The following VDR variants were observed in gnomAD, a reference collection of about 807,000 sequenced individuals.
VDR encodes vitamin D receptor.
In VDR, 19 loss-of-function variants were observed where a neutral mutation model predicts 39.7. The observed-to-expected ratio is 0.48, with a 90% confidence interval of 0.33 to 0.70. The LOEUF (loss-of-function observed/expected upper bound fraction) is 0.70, where lower values mean the gene tolerates loss of function less well. Among genes scored for constraint, VDR ranks in the 30% least tolerant of loss-of-function variants. The pLI is 0.02. For synonymous variants in VDR, 242 were observed against 215.8 expected (o/e 1.12, Z -1.07); for missense variants, 442 against 570.5 (o/e 0.77, Z 2.29).
At chr12:47,860,757 C>T (rs1307953106) in intron 4 of VDR, among the ~76,000 whole-genome samples, 4 of 152,106 alleles carry the variant, frequency 2.6e-5, no homozygotes, top group Non-Finnish European at 5.9e-5. Context: ...TTAAACTATG[C>T]GTTGTCTTCT....
chr12:47,853,460 A>G (rs896388311), intron 7 of VDR, among the ~76,000 whole-genome samples: 4 of 145,500 alleles, frequency 2.7e-5, no homozygotes, highest in Non-Finnish European at 6.0e-5. Context: ...AAAAAAAAAA[A>G]AAAGAATATT....
At chr12:47,873,351 CTTTTTTTTTTTTTTTT>C (rs71077177) in intron 3 of VDR, among the ~76,000 whole-genome samples, 7 of 98,424 alleles carry the variant, frequency 7.1e-5, no homozygotes, top group African/African-American at 2.1e-4. Flanking sequence ...AACCTGTTTT[CTTTTTTTTTTTTTTTT>C]TTTTTTTTTT....
intron 4 of VDR, 121 bp from the exon 5 acceptor site, chr12:47,857,809 G>T: frequency 9.1e-7 from 1 of 1,101,052 alleles, no homozygotes; most frequent in Non-Finnish European, 1.3e-6. Context: ...GCTCCCTCGG[G>T]GGTCCTCCTG....
chr12:47,858,404 C>T (rs565320112), intron 4 of VDR, among the ~76,000 whole-genome samples: 18 of 152,364 alleles, frequency 1.2e-4, no homozygotes, highest in Non-Finnish European at 2.2e-4. Context: ...ACCACCCCTC[C>T]TCCAGCATGT....
chr12:47,863,583 G>T (rs1263532964), intron 4 of VDR, among the ~76,000 whole-genome samples: 2 of 152,236 alleles, frequency 1.3e-5, no homozygotes, highest in African/African-American at 2.4e-5. Flanking sequence ...TGTGTGTGAA[G>T]CCTCTTAAGG....
At position 47,843,513 on chromosome 12, in the gene VDR, T is replaced by C. The variant is rs1257075934; in HGVS notation, c.*1233A>G. Reference sequence around the variant, plus strand: ...TTCCCACCAGCTGGGCTGGGCTGGCTGCAGAGAGCATGCACTTGAAGTTGT... The same window carrying C: ...TTCCCACCAGCTGGGCTGGGCTGGCCGCAGAGAGCATGCACTTGAAGTTGT... On this transcript the variant is annotated 3_prime_UTR_variant, in exon 10 of 10. Coordinates refer to ENST00000549336, the MANE Select transcript of VDR (RefSeq NM_000376.3). The C allele has an allele frequency of 6.6e-6, 1 of 151,626 alleles. No homozygotes were observed. Among genetic ancestry groups the C allele is most frequent in the Admixed American group, 6.6e-5 (1 of 15,120 alleles). The allele number at this position is 151,626 out of a possible 1,614,324, so 9.4% of individuals were successfully genotyped here.
rs1284884092 is a variant in VDR at position 47,844,507 on chromosome 12, C to G, written c.*239G>C. The G allele has an allele frequency of 4.8e-6, 3 of 622,354 alleles. No individual in the cohort carries two copies. In the East Asian group the frequency reaches 8.3e-5, roughly 17 times the overall value. The allele number at this position is 622,354 out of a possible 1,614,324, so 38.6% of individuals were successfully genotyped here. A position where few individuals can be genotyped will look rare whatever the true frequency, so the allele number is the denominator to read the frequency against. ...CTGCCCTCTGCCCCCACTTGGGTTTCTTTGTCAAACAAACAGCAACTCCTC... is the reference window on the plus strand; with the variant it reads ...CTGCCCTCTGCCCCCACTTGGGTTTGTTTGTCAAACAAACAGCAACTCCTC... On this transcript the variant is annotated 3_prime_UTR_variant, in exon 10 of 10. Transcript: ENST00000549336.
In VDR at chr12:47,844,296, T is replaced by TCGTGA. The variant is rs1945229219; in HGVS notation, c.*445_*449dup. Reference sequence around the variant, plus strand: ...GTGGGAGCTGTGGGCCGATTATTTATCGTGAGTAGGCAGGAGAGGGAGACC... The same window carrying TCGTGA: ...GTGGGAGCTGTGGGCCGATTATTTATCGTGACGTGAGTAGGCAGGAGAGGGAGACC... On this transcript the variant is annotated 3_prime_UTR_variant, in exon 10 of 10. Transcript: ENST00000549336. 3.9e-6 allele frequency: 1 copy of TCGTGA among 255,034 alleles called. No homozygotes were observed. The highest frequency in any genetic ancestry group is 7.7e-6 in the Non-Finnish European group (1 of 129,832). 15.8% of individuals were successfully genotyped at this position (255,034 alleles called of 1,614,324 possible). A position where few individuals can be genotyped will look rare whatever the true frequency, so the allele number is the denominator to read the frequency against.
chr12:47,861,680 T>C (rs923663129), intron 4 of VDR, among the ~76,000 whole-genome samples: 3 of 152,240 alleles, frequency 2.0e-5, no homozygotes, highest in Admixed American at 6.5e-5. Context: ...ATCAGGCGTC[T>C]AAAGTGCATG....
At chr12:47,878,462 A>G (rs1946053574) in intron 3 of VDR, among the ~76,000 whole-genome samples, 2 of 152,216 alleles carry the variant, frequency 1.3e-5, no homozygotes, top group African/African-American at 2.4e-5. Flanking sequence ...TGGCTTTCAG[A>G]CCAGGACAAA....
intron 7 of VDR, 93 bp from the exon 8 acceptor site, chr12:47,846,901 G>A (rs1945292062): frequency 6.8e-7 from 1 of 1,470,048 alleles, no homozygotes; most frequent in Admixed American, 1.7e-5. Flanking sequence ...TACACCTGCT[G>A]GGCACCAACA....
chr12:47,884,988 G>A (rs1429855052), intron 1 of VDR, among the ~76,000 whole-genome samples: 1 of 152,122 alleles, frequency 6.6e-6, no homozygotes, highest in Non-Finnish European at 1.5e-5. Context: ...CAAGCCTATA[G>A]GAAAGTGGGG....
At chr12:47,897,625 A>G (rs1449601289) in intron 1 of VDR, among the ~76,000 whole-genome samples, 1 of 152,006 alleles carries the variant, frequency 6.6e-6, no homozygotes, top group Non-Finnish European at 1.5e-5. Flanking sequence ...TGTAGTTAAC[A>G]CCTCTTTTCC....
intron 7 of VDR, among the ~76,000 whole-genome samples, chr12:47,853,108 G>T (rs932346474): frequency 6.6e-6 from 1 of 152,144 alleles, no homozygotes; most frequent in Non-Finnish European, 1.5e-5. Context: ...CATAAATATA[G>T]CCATTTCCCA....
At chr12:47,871,366 TC>T (rs1945871933) in intron 3 of VDR, among the ~76,000 whole-genome samples, 5 of 86,424 alleles carry the variant, frequency 5.8e-5, no homozygotes, top group Admixed American at 2.7e-4. Context: ...TTCCTTTCTC[TC>T]TCTCTCTCTC....
intron 1 of VDR, chr12:47,898,787 G>A (rs909034862): frequency 2.3e-4 from 36 of 155,494 alleles, no homozygotes; most frequent in African/African-American, 8.4e-4. Flanking sequence ...ACAGGTATGC[G>A]AACTTCAAAG....
intron 3 of VDR, among the ~76,000 whole-genome samples, chr12:47,872,169 C>T (rs544254644): frequency 1.3e-5 from 2 of 152,180 alleles, no homozygotes; most frequent in South Asian, 2.1e-4. Flanking sequence ...TTGGTTAGAT[C>T]GATATGTTTG....
At chr12:47,848,677 C>T (rs985225129) in intron 7 of VDR, among the ~76,000 whole-genome samples, 1 of 148,962 alleles carries the variant, frequency 6.7e-6, no homozygotes, top group Non-Finnish European at 1.5e-5. Flanking sequence ...AGCAATTCTC[C>T]TACCTCAGCC....
intron 7 of VDR, among the ~76,000 whole-genome samples, chr12:47,848,861 C>T (rs904477180): frequency 3.3e-5 from 5 of 152,208 alleles, no homozygotes; most frequent in South Asian, 2.1e-4. Context: ...CCACTGCACC[C>T]GGCCACTTGT....
Sources: gnomAD v4.1 joint callset for allele counts (sites outside exome capture counted in the v4.1 genomes callset) on GRCh38, gnomAD v4.1.1 for gene constraint, MANE v1.5 for transcripts, NCBI Gene and HGNC (gene_info 2026-07-23, HGNC 2026-07-21) for gene names.